PDE11A: variants seen among roughly 807,000 people sequenced by gnomAD.
PDE11A encodes the protein phosphodiesterase 11A, also known as dual 3',5'-cyclic-AMP and -GMP phosphodiesterase 11A.
In PDE11A, 100 loss-of-function variants were observed where a neutral mutation model predicts 100.5. The ratio of observed to expected loss-of-function variants is 1.00; its 90% CI spans 0.85 to 1.18. PDE11A has a LOEUF of 1.18. PDE11A is among the 50% of genes most tolerant of loss of function. The probability of loss-of-function intolerance (pLI) is 0.00; values close to 1 mark genes in which losing one functional copy is unlikely to be tolerated. For missense variants in PDE11A, 1,141 were observed against 1,152.6 expected, an observed-to-expected ratio of 0.99 and a Z score of 0.15; for synonymous variants, 381 against 420.8, an observed-to-expected ratio of 0.91 and a Z score of 1.16.
chr2:177,738,477 T>C (rs2081825759), intron 10 of PDE11A, among the ~76,000 whole-genome samples: 1 of 152,246 alleles, frequency 6.6e-6, no homozygotes, highest in Admixed American at 6.5e-5. Context: ...AGACGTAAGA[T>C]ACGAATTCCC....
chr2:177,658,671 A>C (rs969843621), intron 19 of PDE11A, among the ~76,000 whole-genome samples: 6 of 151,988 alleles, frequency 3.9e-5, no homozygotes, highest in Non-Finnish European at 8.8e-5. Flanking sequence ...AAGAATACTA[A>C]AAGTCATAGA....
chr2:178,102,891 G>A lies in PDE11A; in HGVS notation c.162+1411C>T, dbSNP rs145391064. Among the ~76,000 whole-genome samples, 682 of 152,246 alleles carry A rather than the reference G, an allele frequency of 4.5e-3. 7 individuals are homozygous for A. The highest frequency in any genetic ancestry group is 0.015 in the African/African-American group (629 of 41,528). On this transcript the variant is annotated intron_variant, in intron 2 of 20. Transcript: ENST00000358450. The stretch of plus-strand genomic sequence containing the variant: ...ATGAGGTCATATTGGTGTAGGATGA[G>A]CCCTTAATCCAATATGATTGGTGTC...
At chr2:177,847,167 G>A (rs886683947) in intron 5 of PDE11A, among the ~76,000 whole-genome samples, 1 of 152,108 alleles carries the variant, frequency 6.6e-6, no homozygotes, top group African/African-American at 2.4e-5. Flanking sequence ...TTTGGAGTAT[G>A]AAAGCCAGTC....
chr2:177,629,384 G>A lies in PDE11A; in HGVS notation c.*23C>T. The A allele has an allele frequency of 1.2e-6, 2 of 1,609,106 alleles. No homozygotes were observed. Among genetic ancestry groups the A allele is most frequent in the East Asian group, 2.2e-5 (1 of 44,864 alleles). On this transcript the variant is annotated 3_prime_UTR_variant, in exon 20 of 20. Transcript: ENST00000286063. ...TGGCCCTTCAGGCTGTAGTCATTTT[G>A]CAGCTGCAGCTGACCTGGAGGTTTA...
At position 177,711,759 on chromosome 2, in the gene PDE11A, G is replaced by A; in HGVS notation, c.2153+10C>T. The A allele has an allele frequency of 7.1e-7, 1 of 1,407,146 alleles. No homozygotes were observed. The allele number at this position is 1,407,146 out of a possible 1,614,324, so 87.2% of individuals were successfully genotyped here. A position where few individuals can be genotyped will look rare whatever the true frequency, so the allele number is the denominator to read the frequency against. ...AATGCATTAAAATAACAACAGTTTA[G>A]AACACTTACTTAGCTTGGAAGGCAT... is the stretch of plus-strand genomic sequence containing the variant. On this transcript the variant is annotated intron_variant, in intron 13 of 19. Transcript: ENST00000286063.
chr2:177,793,078 G>A (rs1232685486), intron 9 of PDE11A, among the ~76,000 whole-genome samples: 1 of 152,164 alleles, frequency 6.6e-6, no homozygotes, highest in Non-Finnish European at 1.5e-5. Flanking sequence ...TGGGCAGAGG[G>A]AGCAGTCACC....
chr2:177,707,426 G>A (rs1422685949), intron 13 of PDE11A, among the ~76,000 whole-genome samples: 2 of 152,176 alleles, frequency 1.3e-5, no homozygotes, highest in Non-Finnish European at 2.9e-5. Flanking sequence ...AGCATGGCTG[G>A]GTCTCCTAGA....
Position 177,794,711 on chromosome 2 carries a change from A to AC in PDE11A, c.1737+22117dup, listed in dbSNP as rs2082680415. ...GATTCCCACCCCTACCCCTACACCG[A>AC]CCCCCCAACACACCCGACAAACGAA... On this transcript the variant is annotated intron_variant, in intron 9 of 19. Transcript: ENST00000286063. 4.6e-5 allele frequency among the ~76,000 whole-genome samples: 7 copies of AC among 151,600 alleles called. No individual in the cohort carries two copies. The South Asian group carries it at 1.0e-3, about 23-fold the overall frequency.
rs547694977 is a variant in PDE11A at position 178,005,286 on chromosome 2, C to A, written c.1071+9016G>T. On this transcript the variant is annotated intron_variant, in intron 2 of 19. Coordinates refer to ENST00000286063, the MANE Select transcript of PDE11A (RefSeq NM_016953.4). Reference sequence around the variant, plus strand: ...TTTACTGCTAGCCCTTTTGATATTACCTAGACTAATTAAGCACATTCGTAT... The same window carrying A: ...TTTACTGCTAGCCCTTTTGATATTAACTAGACTAATTAAGCACATTCGTAT... 4.6e-5 allele frequency among the ~76,000 whole-genome samples: 7 copies of A among 152,154 alleles called. No homozygotes were observed. In the South Asian group the frequency reaches 1.5e-3, roughly 32 times the overall value.
chr2:177,961,055 G>A, intron 2 of PDE11A, among the ~76,000 whole-genome samples: 1 of 152,106 alleles, frequency 6.6e-6, no homozygotes, highest in African/African-American at 2.4e-5. Context: ...CATTCCTCCA[G>A]GATGCTGCCC....
intron 1 of PDE11A, among the ~76,000 whole-genome samples, chr2:178,026,660 C>CAAA (rs67326972): frequency 0.019 from 2,045 of 107,950 alleles, 52 homozygotes; most frequent in African/African-American, 0.069. Flanking sequence ...GACTCTGTCT[C>CAAA]AAAAAAAAAA....
intron 5 of PDE11A, among the ~76,000 whole-genome samples, chr2:177,850,635 A>G (rs2083684639): frequency 6.6e-6 from 1 of 152,232 alleles, no homozygotes; most frequent in Non-Finnish European, 1.5e-5. Flanking sequence ...CAATCTACTC[A>G]TCTGACAAAG....
At chr2:177,675,554 T>A in intron 16 of PDE11A, 36 bp from the exon 17 acceptor site, 1 of 1,559,942 alleles carries the variant, frequency 6.4e-7, no homozygotes. Flanking sequence ...GCCTGAATAA[T>A]CTTTTGTTGC....
chr2:177,859,166 C>T (rs1325254721), intron 5 of PDE11A, among the ~76,000 whole-genome samples: 6 of 151,952 alleles, frequency 3.9e-5, no homozygotes, highest in Non-Finnish European at 8.8e-5. Context: ...TTAATGGGTG[C>T]AGCACACCAA....
chr2:178,075,449 G>A (rs552665377), upstream of PDE11A, among the ~76,000 whole-genome samples: 1 of 151,522 alleles, frequency 6.6e-6, no homozygotes, highest in African/African-American at 2.4e-5. Context: ...CTACTCAGGA[G>A]GCTGAAGCAG....
intron 12 of PDE11A, among the ~76,000 whole-genome samples, chr2:177,718,483 G>A (rs2081476016): frequency 6.6e-6 from 1 of 152,212 alleles, no homozygotes. Context: ...TTATTCTTGA[G>A]TAGGAAGAGA....
rs2083529711 is a variant in PDE11A, at chr2:177,843,775, TA to T, written c.1368-3393del. Among the ~76,000 whole-genome samples the T allele has an allele frequency of 2.6e-5, 4 of 152,284 alleles. No homozygotes were observed. In the South Asian group the frequency reaches 8.3e-4, roughly 32 times the overall value. On this transcript the variant is annotated intron_variant, in intron 5 of 19. Transcript: ENST00000286063. ...GATGAGAAATAAACACACTGACATATAAACAATATAAAAATTAAATGCCCAC... is the reference window on the plus strand; with the variant it reads ...GATGAGAAATAAACACACTGACATATAACAATATAAAAATTAAATGCCCAC...
chr2:178,029,504 C>G (rs2086518359), intron 1 of PDE11A, among the ~76,000 whole-genome samples: 1 of 151,558 alleles, frequency 6.6e-6, no homozygotes. Flanking sequence ...AACCGTGGTC[C>G]ACAGTTAAAG....
At chr2:177,811,023 A>T (rs770860073) in intron 9 of PDE11A, among the ~76,000 whole-genome samples, 33 of 152,158 alleles carry the variant, frequency 2.2e-4, no homozygotes, top group Non-Finnish European at 4.7e-4. Flanking sequence ...TAGCACACAG[A>T]CTTATATTTT....
Sources: allele counts gnomAD v4.1 joint callset (sites outside exome capture counted in the v4.1 genomes callset), GRCh38; gene constraint gnomAD v4.1.1; transcripts MANE v1.5; gene names NCBI Gene and HGNC (gene_info 2026-07-23, HGNC 2026-07-21).